The following CAST variants were observed in gnomAD, a reference collection of about 807,000 sequenced individuals.
The protein encoded by CAST is MIR583 host.
A neutral mutation model predicts 119.6 loss-of-function variants in CAST; 76 were observed. That is an observed-to-expected ratio of 0.64 (90% confidence interval 0.53 to 0.77). The LOEUF is 0.77. CAST is among the 30% of genes least tolerant of loss of function. The probability of loss-of-function intolerance (pLI) is 0.00; values close to 1 mark genes in which losing one functional copy is unlikely to be tolerated. For synonymous variants in CAST, 319 were observed against 331.6 expected (o/e 0.96, Z 0.41); for missense variants, 953 against 946.5 (o/e 1.01, Z -0.09).
the CAST span, among the ~76,000 whole-genome samples, chr5:96,223,027 T>C: frequency 6.6e-6 from 1 of 152,160 alleles, no homozygotes; most frequent in African/African-American, 2.4e-5. Flanking sequence ...AAATTCTGCT[T>C]GTTCTCACTC....
chr5:96,547,498 A>G (rs1159358040), intron 1 of CAST, among the ~76,000 whole-genome samples: 1 of 152,240 alleles, frequency 6.6e-6, no homozygotes. Flanking sequence ...GGCCCTGAAC[A>G]GATTGGATGA....
chr5:96,422,664 G>A, the CAST span, among the ~76,000 whole-genome samples: 2 of 152,138 alleles, frequency 1.3e-5, no homozygotes, highest in Non-Finnish European at 2.9e-5. Context: ...GCTGGGGAAT[G>A]TTTGATAGGT....
At chr5:96,065,317 T>C in the CAST span, among the ~76,000 whole-genome samples, 2 of 152,066 alleles carry the variant, frequency 1.3e-5, no homozygotes, top group Non-Finnish European at 2.9e-5. Flanking sequence ...TTTAATGTTG[T>C]GAGGAAAAAA....
the CAST span, among the ~76,000 whole-genome samples, chr5:96,167,499 C>T: frequency 3.9e-4 from 59 of 152,238 alleles, no homozygotes; most frequent in African/African-American, 1.4e-3. Context: ...CAAGGACAGG[C>T]CCGAATTCTG....
intron 6 of CAST, 134 bp downstream of exon 6, chr5:96,727,664 T>C: frequency 1.9e-6 from 1 of 514,188 alleles, no homozygotes; most frequent in Admixed American, 3.7e-5. Flanking sequence ...TAGACCCTTT[T>C]GAATGGCTGT....
chr5:96,563,658 A>T (rs533067733), intron 1 of CAST, among the ~76,000 whole-genome samples: 62 of 151,990 alleles, frequency 4.1e-4, no homozygotes, highest in African/African-American at 1.3e-3. Context: ...TTATAAAAAA[A>T]AAGCATTCTT....
the CAST span, among the ~76,000 whole-genome samples, chr5:96,175,808 AC>A: frequency 6.6e-6 from 1 of 152,160 alleles, no homozygotes; most frequent in Non-Finnish European, 1.5e-5. Context: ...GTTTGCTCAA[AC>A]TTTTGTGATG....
chr5:95,971,918 G>T, the CAST span, among the ~76,000 whole-genome samples: 2 of 150,426 alleles, frequency 1.3e-5, no homozygotes, highest in African/African-American at 2.4e-5. Flanking sequence ...TTCACAAATG[G>T]TTTTTATGTA....
At chr5:96,478,178 C>T in the CAST span, among the ~76,000 whole-genome samples, 1 of 152,132 alleles carries the variant, frequency 6.6e-6, no homozygotes, top group African/African-American at 2.4e-5. Context: ...TAGTCCTTTC[C>T]TCATACCTTT....
chr5:96,116,108 T>G, the CAST span, among the ~76,000 whole-genome samples: 10 of 152,156 alleles, frequency 6.6e-5, no homozygotes, highest in African/African-American at 2.4e-4. Flanking sequence ...TTATCCGTTC[T>G]CCTGACCTCT....
the CAST span, among the ~76,000 whole-genome samples, chr5:95,993,578 G>A: frequency 2.0e-5 from 3 of 152,084 alleles, no homozygotes; most frequent in East Asian, 1.9e-4. Flanking sequence ...GAAAGCCTAG[G>A]TTAAGAAAGG....
At chr5:96,748,002 C>T (rs1313966391) in intron 18 of CAST, among the ~76,000 whole-genome samples, 1 of 152,108 alleles carries the variant, frequency 6.6e-6, no homozygotes, top group Non-Finnish European at 1.5e-5. Context: ...GAATCACATG[C>T]CCTTCTATCA....
the CAST span, among the ~76,000 whole-genome samples, chr5:96,295,553 A>G: frequency 1.3e-5 from 2 of 152,248 alleles, no homozygotes. Flanking sequence ...GGGGTGTATC[A>G]AATCTTTACT....
chr5:96,558,760 C>T (rs1356991714), intron 1 of CAST, among the ~76,000 whole-genome samples: 2 of 152,140 alleles, frequency 1.3e-5, no homozygotes, highest in Admixed American at 6.5e-5. Context: ...GGATTCACAG[C>T]CGAATTCTAC....
At chr5:96,722,408 A>C (rs1338253177) in intron 3 of CAST, among the ~76,000 whole-genome samples, 2 of 151,484 alleles carry the variant, frequency 1.3e-5, no homozygotes, top group Non-Finnish European at 2.9e-5. Context: ...ATAAAATTTA[A>C]GTATCTTACC....
At chr5:96,522,195 T>C (rs1561405515), upstream of CAST, among the ~76,000 whole-genome samples, 1 of 152,212 alleles carries the variant, frequency 6.6e-6, no homozygotes, top group Non-Finnish European at 1.5e-5. Flanking sequence ...AAGGCCTTAA[T>C]TCTCAAAATT....
At chr5:96,520,584 T>A (rs1183404427), upstream of CAST, among the ~76,000 whole-genome samples, 2 of 151,858 alleles carry the variant, frequency 1.3e-5, no homozygotes, top group Admixed American at 6.6e-5. Flanking sequence ...TGTCTGTGTG[T>A]GTGTGTCTGT....
At chr5:96,025,664 A>T in the CAST span, among the ~76,000 whole-genome samples, 1 of 152,190 alleles carries the variant, frequency 6.6e-6, no homozygotes, top group African/African-American at 2.4e-5. Flanking sequence ...CAAAGGTAAA[A>T]TTGTTGTTCT....
chr5:96,614,728 C>A (rs1163168610), intron 1 of CAST, among the ~76,000 whole-genome samples: 2 of 143,234 alleles, frequency 1.4e-5, no homozygotes, highest in African/African-American at 5.6e-5. Context: ...TACCCCTCTT[C>A]CTCAGTGCTT....
Sources: allele counts gnomAD v4.1 joint callset (sites outside exome capture counted in the v4.1 genomes callset), GRCh38; gene constraint gnomAD v4.1.1; transcripts MANE v1.5; gene names NCBI Gene and HGNC (gene_info 2026-07-23, HGNC 2026-07-21).